Variants in PUS7L observed in about 807,000 individuals in gnomAD.
PUS7L encodes pseudouridylate synthase PUS7L.
In PUS7L, 49 loss-of-function variants were observed where a neutral mutation model predicts 51.1. That is an observed-to-expected ratio of 0.96 (90% CI 0.76 to 1.22). The LOEUF (loss-of-function observed/expected upper bound fraction) is 1.22, where lower values mean the gene tolerates loss of function less well. PUS7L is among the 50% of genes most tolerant of loss of function. The pLI is 0.00. For synonymous variants in PUS7L, 277 were observed against 276.2 expected (o/e 1.00, Z -0.03); for missense variants, 828 against 820.6 (o/e 1.01, Z -0.11).
At chr12:43,752,033 A>T (rs988802437) in intron 2 of PUS7L, among the ~76,000 whole-genome samples, 1 of 152,052 alleles carries the variant, frequency 6.6e-6, no homozygotes, top group Non-Finnish European at 1.5e-5. Context: ...TCCTTTGCCC[A>T]CTTTTTGATG....
intron 6 of PUS7L, chr12:43,737,925 A>C (rs1937688637): frequency 5.5e-6 from 1 of 180,474 alleles, no homozygotes; most frequent in Non-Finnish European, 1.2e-5. Context: ...TAGAATGAGA[A>C]TAATGTGTAA....
rs116337196 is a variant in PUS7L at position 43,723,907 on chromosome 12, C to A, written c.*6469G>T. The A allele has an allele frequency of 0.049, 7,499 of 152,116 alleles. 212 individuals carry two copies. The highest frequency in any genetic ancestry group is 0.13 in the Middle Eastern group (39 of 294). The allele number at this position is 152,116 out of a possible 1,614,324, so 9.4% of individuals were successfully genotyped here. ...CTCTCTCTCAAAATGTTGTCATGAG[C>A]CACCAAAACCATTCTGAACAAATGC... On this transcript the variant is annotated 3_prime_UTR_variant, in exon 9 of 9. Transcript: ENST00000344862.
At chr12:43,742,361 G>T in intron 5 of PUS7L, 96 bp downstream of exon 5, 2 of 781,766 alleles carry the variant, frequency 2.6e-6, no homozygotes, top group Non-Finnish European at 4.3e-6. Context: ...GTGTTTACAT[G>T]CATTTATATG....
chr12:43,723,561 T>G lies in PUS7L; in HGVS notation c.*6815A>C, dbSNP rs1213341539. The G allele has an allele frequency of 6.6e-6, 1 of 152,116 alleles. No homozygotes were observed. Among genetic ancestry groups the G allele is most frequent in the African/African-American group, 2.4e-5 (1 of 41,446 alleles). 9.4% of individuals were successfully genotyped at this position (152,116 alleles called of 1,614,324 possible). On this transcript the variant is annotated 3_prime_UTR_variant, in exon 9 of 9. Transcript: ENST00000344862. ...TACCATTTAGTCTGCATATTCCACT[T>G]GCAAGTGGCATTTCAAATCAAATGA...
chr12:43,728,642 A>G lies in PUS7L; in HGVS notation c.*1734T>C, dbSNP rs890051206. On this transcript the variant is annotated 3_prime_UTR_variant, in exon 9 of 9. Coordinates refer to ENST00000344862, the MANE Select transcript of PUS7L (RefSeq NM_031292.5). ...TGAGAATTATTTATTGCCAAAACAT[A>G]TAACAAAAAAAACTTTTTAGTATTA... is the stretch of plus-strand genomic sequence containing the variant. 3 of 152,126 alleles carry G rather than the reference A, an allele frequency of 2.0e-5. No homozygotes were observed. Among genetic ancestry groups the G allele is most frequent in the African/African-American group, 7.2e-5 (3 of 41,450 alleles). The allele number at this position is 152,126 out of a possible 1,614,324, so 9.4% of individuals were successfully genotyped here. A position where few individuals can be genotyped will look rare whatever the true frequency, so the allele number is the denominator to read the frequency against.
intron 2 of PUS7L, among the ~76,000 whole-genome samples, chr12:43,749,609 G>A (rs1370794993): frequency 6.6e-6 from 1 of 152,162 alleles, no homozygotes; most frequent in African/African-American, 2.4e-5. Flanking sequence ...GGTCGAGGCT[G>A]TAGCAAGCCA....
chr12:43,744,391 C>T (rs1211031902), intron 4 of PUS7L, among the ~76,000 whole-genome samples: 1 of 152,190 alleles, frequency 6.6e-6, no homozygotes, highest in African/African-American at 2.4e-5. Context: ...AGTGAGTTCT[C>T]ACGAGATCTG....
intron 5 of PUS7L, chr12:43,739,930 T>G (rs917964996): frequency 6.6e-6 from 1 of 152,120 alleles, no homozygotes; most frequent in African/African-American, 2.4e-5. Context: ...TTATCTCTAT[T>G]ATTGAGCCAA....
In PUS7L at chr12:43,754,388, T is replaced by A; in HGVS notation, c.858A>T (p.Lys286Asn). ...VTVRFREKAHKRGKRPLSECQ... is the reference protein window; with the variant it reads ...VTVRFREKAHNRGKRPLSECQ... ...ATTCAGAAAGAGGCCTTTTCCCACG[T>A]TTGTGTGCTTTTTCCCGAAATCTTA... Residue 286 changes from lysine (K) to asparagine (N), a missense_variant, in exon 2 of 9, where the codon AAA becomes AAT. By Grantham distance (94) the Lys-to-Asn change is moderately conservative. Coordinates refer to ENST00000344862, the MANE Select transcript of PUS7L (RefSeq NM_031292.5). 6.2e-7 allele frequency: 1 copy of A among 1,611,646 alleles called. No individual in the cohort carries two copies. Among genetic ancestry groups the A allele is most frequent in the Non-Finnish European group, 8.5e-7 (1 of 1,179,196 alleles).
intron 7 of PUS7L, among the ~76,000 whole-genome samples, chr12:43,734,735 ACT>A (rs894065252): frequency 1.3e-5 from 2 of 152,068 alleles, no homozygotes; most frequent in Admixed American, 6.5e-5. Flanking sequence ...TACTTGTGTG[ACT>A]CTGAATCTGT....
Position 43,726,053 on chromosome 12 carries a change from TACTGCTAGCTCAGCGTCAAAC to T in PUS7L, c.*4302_*4322del, listed in dbSNP as rs1944450985. On this transcript the variant is annotated 3_prime_UTR_variant, in exon 9 of 9. Coordinates refer to ENST00000344862, the MANE Select transcript of PUS7L (RefSeq NM_031292.5). ...TTTCACCTAACCGACTCCCAGGCAC[TACTGCTAGCTCAGCGTCAAAC>T]AACCTTGGCAATTAAAACTAATTCA... 2 of 152,156 alleles carry T rather than the reference TACTGCTAGCTCAGCGTCAAAC, an allele frequency of 1.3e-5. No individual in the cohort carries two copies. The highest frequency in any genetic ancestry group is 4.8e-5 in the African/African-American group (2 of 41,440). 9.4% of individuals were successfully genotyped at this position (152,156 alleles called of 1,614,324 possible).
At position 43,746,255 on chromosome 12, in the gene PUS7L, A is replaced by G. The variant is rs368957339; in HGVS notation, c.1071-17T>C. The G allele has an allele frequency of 3.7e-5, 40 of 1,069,660 alleles. No homozygotes were observed. The African/African-American group carries it at 6.0e-4, about 16-fold the overall frequency. 66.3% of individuals were successfully genotyped at this position (1,069,660 alleles called of 1,614,324 possible). Reference sequence around the variant, plus strand: ...TTTTTCAACCTGTAAGTAATAAATCATATAAACTCAGTTAAATTTTACATT... The same window carrying G: ...TTTTTCAACCTGTAAGTAATAAATCGTATAAACTCAGTTAAATTTTACATT... On this transcript the variant is annotated splice_polypyrimidine_tract_variant and intron_variant, in intron 3 of 8. Coordinates refer to ENST00000344862, the MANE Select transcript of PUS7L (RefSeq NM_031292.5).
rs114794174 is a variant in PUS7L, at chr12:43,747,095, C to T, written c.1071-857G>A. Among the ~76,000 whole-genome samples, 135 of 152,178 alleles carry T rather than the reference C, an allele frequency of 8.9e-4. 1 individual carries two copies. Among genetic ancestry groups the T allele is most frequent in the African/African-American group, 2.6e-3 (110 of 41,512 alleles). On this transcript the variant is annotated intron_variant, in intron 3 of 8. Transcript: ENST00000344862. Reference sequence around the variant, plus strand: ...TGCACATAGTGGATACTTAAACATGCGTTAACTAAGAATTAATATATCGAT... The same window carrying T: ...TGCACATAGTGGATACTTAAACATGTGTTAACTAAGAATTAATATATCGAT...
At chr12:43,755,980 C>G (rs1047377710) in intron 1 of PUS7L, among the ~76,000 whole-genome samples, 11 of 152,242 alleles carry the variant, frequency 7.2e-5, no homozygotes, top group Admixed American at 7.2e-4. Context: ...TCACACAAAC[C>G]CATGGCTACC....
At chr12:43,744,976 C>G (rs1938094029) in intron 4 of PUS7L, among the ~76,000 whole-genome samples, 1 of 152,190 alleles carries the variant, frequency 6.6e-6, no homozygotes, top group Non-Finnish European at 1.5e-5. Flanking sequence ...TAGCAAACTA[C>G]TATAGCCCAC....
rs572471879 is a variant in PUS7L, at chr12:43,749,015, C to G, written c.911-406G>C. ...GGGATTACAGGCGTCAGCCACCATG[C>G]CCAGCCGTAAGGAGTACTTTTTAAT... On this transcript the variant is annotated intron_variant, in intron 2 of 8. Transcript: ENST00000344862. Among the ~76,000 whole-genome samples the G allele has an allele frequency of 2.0e-5, 3 of 152,320 alleles. No homozygotes were observed. In the South Asian group the frequency reaches 6.2e-4, roughly 32 times the overall value.
chr12:43,744,755 T>A (rs2137717223), intron 4 of PUS7L, among the ~76,000 whole-genome samples: 1 of 152,322 alleles, frequency 6.6e-6, no homozygotes, highest in East Asian at 1.9e-4. Flanking sequence ...TATAAAATTG[T>A]GTAAAAAGGT....
At chr12:43,750,424 T>G (rs1293045113) in intron 2 of PUS7L, among the ~76,000 whole-genome samples, 1 of 152,240 alleles carries the variant, frequency 6.6e-6, no homozygotes, top group Non-Finnish European at 1.5e-5. Context: ...ACATTGAATC[T>G]TATTTAAGTT....
At chr12:43,735,336 A>AAAATAAAT (rs1944661404) in intron 7 of PUS7L, among the ~76,000 whole-genome samples, 1 of 151,016 alleles carries the variant, frequency 6.6e-6, no homozygotes, top group Non-Finnish European at 1.5e-5. Context: ...AAAAAATAAA[A>AAAATAAAT]AATAAAAATA....
Sources: gnomAD v4.1 joint callset for allele counts (sites outside exome capture counted in the v4.1 genomes callset) on GRCh38, gnomAD v4.1.1 for gene constraint, MANE v1.5 for transcripts, NCBI Gene and HGNC (gene_info 2026-07-23, HGNC 2026-07-21) for gene names.